Variants in PEAK1 observed in about 807,000 individuals in gnomAD.
The protein encoded by PEAK1 is inactive tyrosine-protein kinase PEAK1.
Under a neutral mutation model 124.7 loss-of-function variants are expected in PEAK1, and 54 were observed. The ratio of observed to expected loss-of-function variants is 0.43; its 90% confidence interval spans 0.35 to 0.54. The LOEUF is 0.54. PEAK1 is among the 20% of genes least tolerant of loss of function. The pLI is 0.01. For synonymous variants in PEAK1, 719 were observed against 760.0 expected (o/e 0.95, Z 0.89); for missense variants, 2,046 against 2,134.5 (o/e 0.96, Z 0.82).
chr15:77,232,639 A>G (rs1408361061), intron 6 of PEAK1, among the ~76,000 whole-genome samples: 1 of 152,170 alleles, frequency 6.6e-6, no homozygotes, highest in Non-Finnish European at 1.5e-5. Context: ...CTACCTTTAC[A>G]ATGGAAGAAG....
intron 6 of PEAK1, among the ~76,000 whole-genome samples, chr15:77,184,150 T>C (rs2057420377): frequency 6.6e-6 from 1 of 152,014 alleles, no homozygotes; most frequent in South Asian, 2.1e-4. Flanking sequence ...TGGATTGCAT[T>C]TAAACAATAT....
chr15:77,337,762 C>A, intron 2 of PEAK1: 2 of 985,210 alleles, frequency 2.0e-6, no homozygotes, highest in Non-Finnish European at 2.4e-6. Flanking sequence ...GCTGGGGAGA[C>A]AAAATCTGGA....
At chr15:77,300,258 G>C (rs2063718144) in intron 2 of PEAK1, among the ~76,000 whole-genome samples, 1 of 152,180 alleles carries the variant, frequency 6.6e-6, no homozygotes. Flanking sequence ...TAGCTGAAGA[G>C]GTCTGTTTTC....
chr15:77,237,578 C>G (rs1165949450), intron 6 of PEAK1, among the ~76,000 whole-genome samples: 1 of 151,808 alleles, frequency 6.6e-6, no homozygotes, highest in Non-Finnish European at 1.5e-5. Context: ...ATGTTTATCT[C>G]TACATATCAA....
At chr15:77,418,540 C>G (rs1194226561) in intron 1 of PEAK1, 3 of 984,936 alleles carry the variant, frequency 3.0e-6, no homozygotes, top group Non-Finnish European at 3.6e-6. Context: ...GAGGCTATAA[C>G]CCTCAACTTT....
intron 2 of PEAK1, chr15:77,333,538 T>C (rs1373730030): frequency 3.5e-6 from 3 of 864,070 alleles, no homozygotes; most frequent in Non-Finnish European, 4.2e-6. Context: ...ATTATATATT[T>C]ACACACACAC....
At chr15:77,346,404 T>C (rs1397562165) in intron 2 of PEAK1, 1 of 981,678 alleles carries the variant, frequency 1.0e-6, no homozygotes, top group Non-Finnish European at 1.2e-6. Context: ...GAGAAGGCAA[T>C]TTCATTTTGC....
At chr15:77,336,875 TTAAA>T (rs2141288972) in intron 2 of PEAK1, among the ~76,000 whole-genome samples, 2 of 151,912 alleles carry the variant, frequency 1.3e-5, no homozygotes, top group East Asian at 3.9e-4. Flanking sequence ...AATAGATTGT[TTAAA>T]TATAGGGCTA....
chr15:77,327,981 AAAT>A (rs1459807566), intron 2 of PEAK1, among the ~76,000 whole-genome samples: 5 of 152,142 alleles, frequency 3.3e-5, no homozygotes, highest in Non-Finnish European at 7.4e-5. Context: ...CCAATATCAC[AAAT>A]AATAGCAGTA....
At chr15:77,340,272 G>C (rs868216554) in intron 2 of PEAK1, among the ~76,000 whole-genome samples, 1 of 152,180 alleles carries the variant, frequency 6.6e-6, no homozygotes, top group Non-Finnish European at 1.5e-5. Flanking sequence ...CACTCATTGG[G>C]ATATTATTCA....
In PEAK1 at chr15:77,180,578, A is replaced by G; in HGVS notation, c.1349T>C (p.Ile450Thr). The G allele has an allele frequency of 6.2e-7, 1 of 1,614,048 alleles. No homozygotes were observed. Among genetic ancestry groups the G allele is most frequent in the Non-Finnish European group, 8.5e-7 (1 of 1,179,982 alleles). ...TTGCTCTTCTGTGGGGACAAGGTTT[A>G]TGGTTACTGCTTGCCCAGCAACATC... is the stretch of plus-strand genomic sequence containing the variant. ...STDVAGQAVT[I>T]NLVPTEEQAK... is the part of the protein sequence containing the mutation. Residue 450 changes from isoleucine (I) to threonine (T), a missense_variant, in exon 7 of 10, where the codon ATA becomes ACA. Physicochemically the swap from Ile to Thr is moderately conservative, Grantham distance 89. Transcript: ENST00000682557.
chr15:77,138,083 G>A (rs2053482317), intron 8 of PEAK1, among the ~76,000 whole-genome samples: 1 of 152,186 alleles, frequency 6.6e-6, no homozygotes, highest in East Asian at 1.9e-4. Flanking sequence ...CTTCCACCAT[G>A]ATTGTGAGGC....
intron 6 of PEAK1, among the ~76,000 whole-genome samples, chr15:77,230,210 T>C (rs2059850059): frequency 6.6e-6 from 1 of 152,064 alleles, no homozygotes; most frequent in Non-Finnish European, 1.5e-5. Context: ...TAAGTCTTTT[T>C]TTTTTTTGAC....
chr15:77,114,815 G>A lies in PEAK1; in HGVS notation c.4582C>T (p.Gln1528Ter). ...RLENLLLVHY[Q>*]PGGTAQGFGP... is the part of the protein sequence containing the mutation. ...AAGCCTTGGGCAGTCCCCCCAGGCT[G>A]GTAGTGGACAAGTAGCAGGTTCTCT... Residue 1528 changes from glutamine (Q) to a stop codon, truncating the protein, a stop_gained, in exon 10 of 10, where the codon CAG becomes TAG. Coordinates refer to ENST00000682557, the MANE Select transcript of PEAK1 (RefSeq NM_001385026.1). LOFTEE classifies it high-confidence loss of function. 1 of 1,613,416 alleles carries A rather than the reference G, an allele frequency of 6.2e-7. No individual in the cohort carries two copies. Among genetic ancestry groups the A allele is most frequent in the Non-Finnish European group, 8.5e-7 (1 of 1,179,970 alleles).
At chr15:77,261,088 A>G (rs904339237) in intron 5 of PEAK1, among the ~76,000 whole-genome samples, 17 of 152,192 alleles carry the variant, frequency 1.1e-4, no homozygotes, top group African/African-American at 3.1e-4. Context: ...AAACTAATAA[A>G]CAGAAAGGAC....
At chr15:77,154,553 G>A (rs1436560131) in intron 8 of PEAK1, among the ~76,000 whole-genome samples, 1 of 152,098 alleles carries the variant, frequency 6.6e-6, no homozygotes, top group African/African-American at 2.4e-5. Flanking sequence ...TATTTTGCTC[G>A]TTAGTTGATG....
intron 6 of PEAK1, among the ~76,000 whole-genome samples, chr15:77,222,603 G>C (rs796737537): frequency 2.5e-4 from 38 of 152,090 alleles, no homozygotes; most frequent in African/African-American, 8.7e-4. Flanking sequence ...TGATAGTTAA[G>C]TGGGAAAATC....
At chr15:77,271,050 C>T (rs1689847658) in intron 5 of PEAK1, among the ~76,000 whole-genome samples, 1 of 152,078 alleles carries the variant, frequency 6.6e-6, no homozygotes, top group Non-Finnish European at 1.5e-5. Context: ...GATTCTGTAT[C>T]CAGAATCTAC....
At chr15:77,296,026 T>C (rs866353071) in intron 2 of PEAK1, among the ~76,000 whole-genome samples, 1 of 152,228 alleles carries the variant, frequency 6.6e-6, no homozygotes, top group South Asian at 2.1e-4. Flanking sequence ...TTTCAAATAT[T>C]TAACTTTGTA....
Sources: allele counts gnomAD v4.1 joint callset (sites outside exome capture counted in the v4.1 genomes callset), GRCh38; gene constraint gnomAD v4.1.1; transcripts MANE v1.5; gene names NCBI Gene and HGNC (gene_info 2026-07-23, HGNC 2026-07-21).